The following ACOT7 variants were observed in gnomAD, a reference collection of about 807,000 sequenced individuals.
ACOT7 encodes acyl-CoA thioesterase 7, also known as cytosolic acyl coenzyme A thioester hydrolase.
ACOT7 carries 12 observed loss-of-function variants against 40.2 expected under a neutral mutation model. That is an observed-to-expected ratio of 0.30 (90% CI 0.19 to 0.48). The LOEUF (loss-of-function observed/expected upper bound fraction) is 0.48. Ranked by LOEUF, ACOT7 falls within the 20% of genes least tolerant of loss-of-function variation. The pLI, the probability that ACOT7 is intolerant of heterozygous loss-of-function variation, is 0.99. For missense variants in ACOT7, 395 were observed against 530.8 expected (o/e 0.74, Z 2.51); for synonymous variants, 228 against 219.5 (o/e 1.04, Z -0.34).
At chr1:6,388,090 G>T (rs374234965) in intron 1 of ACOT7, among the ~76,000 whole-genome samples, 1 of 151,218 alleles carries the variant, frequency 6.6e-6, no homozygotes, top group Non-Finnish European at 1.5e-5. Flanking sequence ...ACAGGCACCC[G>T]CCACTACGCC....
intron 2 of ACOT7, among the ~76,000 whole-genome samples, chr1:6,346,379 A>G (rs1029978082): frequency 2.0e-5 from 3 of 152,150 alleles, no homozygotes; most frequent in Non-Finnish European, 4.4e-5. Flanking sequence ...TGGGATTCCA[A>G]CATTTTTATG....
intron 8 of ACOT7, among the ~76,000 whole-genome samples, chr1:6,267,805 C>T (rs1011584120): frequency 3.1e-4 from 47 of 152,206 alleles, no homozygotes; most frequent in African/African-American, 8.7e-4. Context: ...CTCTTCATTC[C>T]GCCTGGAAAC....
chr1:6,385,978 C>T (rs1256980054), intron 1 of ACOT7, among the ~76,000 whole-genome samples: 3 of 152,200 alleles, frequency 2.0e-5, no homozygotes, highest in Admixed American at 1.3e-4. Context: ...AGAGGATGAA[C>T]TGGGTGGGGC....
intron 1 of ACOT7, among the ~76,000 whole-genome samples, chr1:6,388,563 A>AC (rs1642479593): frequency 7.0e-6 from 1 of 142,198 alleles, no homozygotes; most frequent in Non-Finnish European, 1.5e-5. Flanking sequence ...ACACAGTGAA[A>AC]CCCCGTCTCT....
Position 6,331,941 on chromosome 1 carries a change from G to C in ACOT7, c.510+1536C>G, listed in dbSNP as rs573191254. Among the ~76,000 whole-genome samples, 663 of 152,276 alleles carry C rather than the reference G, an allele frequency of 4.4e-3. 3 individuals carry two copies. The highest frequency in any genetic ancestry group is 7.1e-3 in the Non-Finnish European group (481 of 68,016). ...GGAGCACCTCCCCAGTCTCACATGG[G>C]CAGTGGCAGCAGGGACCGAGGCCCC... On this transcript the variant is annotated intron_variant, in intron 4 of 8. Coordinates refer to ENST00000361521, the MANE Select transcript of ACOT7 (RefSeq NM_007274.4).
chr1:6,319,749 C>A (rs1168736037), intron 5 of ACOT7, among the ~76,000 whole-genome samples: 1 of 152,258 alleles, frequency 6.6e-6, no homozygotes, highest in East Asian at 1.9e-4. Flanking sequence ...TGGTCCAGCC[C>A]TTCCAGAGCA....
chr1:6,390,579 TAAAG>T (rs1348228887), intron 1 of ACOT7, among the ~76,000 whole-genome samples: 8 of 148,790 alleles, frequency 5.4e-5, no homozygotes, highest in Admixed American at 5.4e-4. Flanking sequence ...CTCCAAAAAA[TAAAG>T]AAACAATATG....
chr1:6,357,789 C>T (rs1008133709), intron 1 of ACOT7, among the ~76,000 whole-genome samples: 1 of 152,104 alleles, frequency 6.6e-6, no homozygotes, highest in African/African-American at 2.4e-5. Flanking sequence ...GCCTCAAAGT[C>T]CAGGCACAAG....
intron 1 of ACOT7, among the ~76,000 whole-genome samples, chr1:6,351,876 A>C (rs1040116943): frequency 6.6e-6 from 1 of 152,234 alleles, no homozygotes; most frequent in African/African-American, 2.4e-5. Flanking sequence ...CAGGACAGAT[A>C]TGTGGGTAGC....
intron 8 of ACOT7, among the ~76,000 whole-genome samples, chr1:6,271,882 G>A (rs1010943966): frequency 1.6e-4 from 24 of 152,280 alleles, no homozygotes; most frequent in African/African-American, 5.8e-4. Context: ...TGCTGGCGGA[G>A]GCAGGGAGAT....
chr1:6,281,396 G>T, intron 7 of ACOT7, 110 bp from the exon 8 acceptor site: 1 of 907,894 alleles, frequency 1.1e-6, no homozygotes, highest in Non-Finnish European at 1.8e-6. Flanking sequence ...GGAAGCAGTG[G>T]CTTGGCTGAC....
intron 1 of ACOT7, among the ~76,000 whole-genome samples, chr1:6,376,408 C>T (rs545799483): frequency 6.6e-6 from 1 of 151,526 alleles, no homozygotes; most frequent in South Asian, 2.1e-4. Context: ...TTTCCAGCCT[C>T]GGTGACAGAG....
At chr1:6,318,709 T>C in intron 5 of ACOT7, 131 bp from the exon 6 acceptor site, 8 of 860,226 alleles carry the variant, frequency 9.3e-6, no homozygotes, top group African/African-American at 1.7e-5. Context: ...TCAGCTATGA[T>C]TTCTCTAAGG....
intron 6 of ACOT7, among the ~76,000 whole-genome samples, chr1:6,308,155 CAGA>C (rs1322545999): frequency 4.7e-5 from 7 of 150,130 alleles, no homozygotes; most frequent in African/African-American, 1.5e-4. Flanking sequence ...GAACAGCGAC[CAGA>C]GGGAACTACA....
intron 2 of ACOT7, among the ~76,000 whole-genome samples, chr1:6,340,273 G>A (rs753508746): frequency 6.6e-6 from 1 of 152,078 alleles, no homozygotes; most frequent in Non-Finnish European, 1.5e-5. Flanking sequence ...GCCTAGCACC[G>A]CGCATTCCTA....
intron 6 of ACOT7, chr1:6,295,587 TG>T (rs1639791074): frequency 6.6e-6 from 1 of 152,258 alleles, no homozygotes; most frequent in South Asian, 2.1e-4. Context: ...AAAAAAAATG[TG>T]GCCTGTCCAT....
At chr1:6,392,381 T>G (rs1010916729) in intron 1 of ACOT7, among the ~76,000 whole-genome samples, 1 of 152,160 alleles carries the variant, frequency 6.6e-6, no homozygotes, top group Non-Finnish European at 1.5e-5. Context: ...CTCACTTAGC[T>G]CATGCACAAA....
At chr1:6,366,270 T>C (rs543216328) in intron 1 of ACOT7, among the ~76,000 whole-genome samples, 7 of 152,128 alleles carry the variant, frequency 4.6e-5, no homozygotes, top group African/African-American at 1.7e-4. Context: ...ACCACATCAA[T>C]TGACCCTTCT....
intron 6 of ACOT7, among the ~76,000 whole-genome samples, chr1:6,305,972 C>A (rs1485071146): frequency 4.8e-4 from 73 of 151,756 alleles, no homozygotes; most frequent in African/African-American, 1.7e-3. Context: ...GGATCACTCG[C>A]GGTTAGGAGC....
Sources: allele counts gnomAD v4.1 joint callset (sites outside exome capture counted in the v4.1 genomes callset), GRCh38; gene constraint gnomAD v4.1.1; transcripts MANE v1.5; gene names NCBI Gene and HGNC (gene_info 2026-07-23, HGNC 2026-07-21).